The following IL1RAPL1 variants were observed in gnomAD, a reference collection of about 807,000 sequenced individuals.
The protein encoded by IL1RAPL1 is interleukin 1 receptor accessory protein like 1.
Under a neutral mutation model 48.4 loss-of-function variants are expected in IL1RAPL1, and 3 were observed. That is an observed-to-expected ratio of 0.06 (90% CI 0.03 to 0.16). IL1RAPL1 has a LOEUF of 0.16. IL1RAPL1 is among the 10% of genes least tolerant of loss of function. The pLI is 1.00. For missense variants in IL1RAPL1, 349 were observed against 530.6 expected (o/e 0.66, Z 3.36); for synonymous variants, 185 against 187.7 (o/e 0.99, Z 0.12).
chrX:29,755,737 G>A (rs375467157), intron 6 of IL1RAPL1, among the ~76,000 whole-genome samples: 52 of 112,397 alleles, frequency 4.6e-4, no homozygotes, highest in East Asian at 2.5e-3. Flanking sequence ...GACAGCTAAC[G>A]ATGTGCTTAA....
chrX:28,716,823 C>T (rs1298468566), intron 1 of IL1RAPL1, among the ~76,000 whole-genome samples: 13 of 111,019 alleles, frequency 1.2e-4, no homozygotes, highest in Non-Finnish European at 2.1e-4. Flanking sequence ...AAAAAAACAC[C>T]ACCCCATTAA....
chrX:29,369,876 C>T (rs1050299197), intron 3 of IL1RAPL1: 2 of 111,819 alleles, frequency 1.8e-5, no homozygotes, highest in African/African-American at 6.5e-5. Flanking sequence ...CTCCCTACCT[C>T]GGACTCCTTG....
intron 6 of IL1RAPL1, among the ~76,000 whole-genome samples, chrX:29,865,671 C>T (rs1332411890): frequency 1.2e-5 from 1 of 85,317 alleles, no homozygotes; most frequent in African/African-American, 4.7e-5. Context: ...GAGTCTTCCT[C>T]TGTCAAATAG....
chrX:29,043,909 ACTCAT>A (rs1163115828), intron 2 of IL1RAPL1, among the ~76,000 whole-genome samples: 1 of 111,476 alleles, frequency 9.0e-6, no homozygotes, highest in Non-Finnish European at 1.9e-5. Context: ...TCAAGCTGAT[ACTCAT>A]CTCAGGGGAG....
intron 6 of IL1RAPL1, among the ~76,000 whole-genome samples, chrX:29,913,319 A>T (rs1396511390): frequency 6.4e-5 from 7 of 109,878 alleles, no homozygotes; most frequent in African/African-American, 2.3e-4. Flanking sequence ...GCTCAAATTG[A>T]CTTTCTGTTC....
At chrX:29,615,451 G>C (rs751608813) in intron 5 of IL1RAPL1, among the ~76,000 whole-genome samples, 1 of 110,937 alleles carries the variant, frequency 9.0e-6, no homozygotes, top group South Asian at 3.8e-4. Flanking sequence ...GGAGAAAAAA[G>C]TTCTCTGCTA....
At chrX:28,657,188 A>G (rs1227383115) in intron 1 of IL1RAPL1, among the ~76,000 whole-genome samples, 1 of 111,928 alleles carries the variant, frequency 8.9e-6, no homozygotes, top group Non-Finnish European at 1.9e-5. Flanking sequence ...TACATTGATA[A>G]TATGGGGTGT....
chrX:28,845,270 A>G (rs955493025), intron 2 of IL1RAPL1, among the ~76,000 whole-genome samples: 1 of 111,660 alleles, frequency 9.0e-6, no homozygotes, highest in Non-Finnish European at 1.9e-5. Flanking sequence ...ATAGTCCAAG[A>G]TAAACAAGCC....
intron 3 of IL1RAPL1, among the ~76,000 whole-genome samples, chrX:29,344,741 G>A (rs889259521): frequency 3.6e-5 from 4 of 111,954 alleles, no homozygotes; most frequent in African/African-American, 1.3e-4. Context: ...TGGTTCAAGC[G>A]ATTCTCCTGT....
chrX:29,904,194 G>A (rs999799662), intron 6 of IL1RAPL1, among the ~76,000 whole-genome samples: 2 of 111,217 alleles, frequency 1.8e-5, no homozygotes, highest in African/African-American at 3.3e-5. Flanking sequence ...AAGAGGGTAC[G>A]GAAGAGCTGT....
intron 5 of IL1RAPL1, among the ~76,000 whole-genome samples, chrX:29,434,123 C>A (rs1301622940): frequency 9.2e-6 from 1 of 109,134 alleles, no homozygotes; most frequent in Non-Finnish European, 1.9e-5. Flanking sequence ...TAAATAATTT[C>A]CAGTTTTTAT....
intron 5 of IL1RAPL1, among the ~76,000 whole-genome samples, chrX:29,431,532 G>A (rs533281586): frequency 2.7e-5 from 3 of 111,533 alleles, no homozygotes; most frequent in South Asian, 3.7e-4. Context: ...TCGATTATCC[G>A]CTTGTAATCA....
At chrX:28,798,257 G>T (rs1470943950) in intron 2 of IL1RAPL1, among the ~76,000 whole-genome samples, 1 of 111,860 alleles carries the variant, frequency 8.9e-6, no homozygotes, top group Admixed American at 9.5e-5. Flanking sequence ...TCCACTGGTG[G>T]TCAACTATAG....
intron 3 of IL1RAPL1, among the ~76,000 whole-genome samples, chrX:29,371,395 G>A (rs185371187): frequency 7.9e-4 from 88 of 111,288 alleles, no homozygotes; most frequent in African/African-American, 2.2e-3. Flanking sequence ...GCCTCCCAGA[G>A]TGCTGGGATT....
At chrX:29,613,172 C>T (rs1037758990) in intron 5 of IL1RAPL1, among the ~76,000 whole-genome samples, 7 of 112,221 alleles carry the variant, frequency 6.2e-5, no homozygotes, top group Admixed American at 1.9e-4. Flanking sequence ...TTAAAAATCA[C>T]GTACTAAGAA....
At position 29,192,332 on chromosome X, in the gene IL1RAPL1, A is replaced by G. The variant is rs145817885; in HGVS notation, c.83-90606A>G. Among the ~76,000 whole-genome samples the G allele has an allele frequency of 6.4e-3, 718 of 112,304 alleles. 5 individuals carry two copies. Among genetic ancestry groups the G allele is most frequent in the African/African-American group, 0.022 (675 of 30,975 alleles). On this transcript the variant is annotated intron_variant, in intron 2 of 10. Transcript: ENST00000378993. ...ATTTCTCTATTATCTTTACAAAAGA[A>G]CATATACTTACTGAAAACAAGGTAT...
At chrX:29,033,597 A>G (rs962084098) in intron 2 of IL1RAPL1, among the ~76,000 whole-genome samples, 2 of 111,350 alleles carry the variant, frequency 1.8e-5, no homozygotes, top group African/African-American at 6.5e-5. Flanking sequence ...AAACCACTCA[A>G]GACTTTTAAG....
At chrX:29,791,771 C>T (rs1437584518) in intron 6 of IL1RAPL1, among the ~76,000 whole-genome samples, 2 of 99,383 alleles carry the variant, frequency 2.0e-5, no homozygotes, top group African/African-American at 7.4e-5. Flanking sequence ...CGCTCTGTCT[C>T]CCAGGCTGGA....
chrX:29,612,610 C>T (rs1375850596), intron 5 of IL1RAPL1, among the ~76,000 whole-genome samples: 1 of 111,463 alleles, frequency 9.0e-6, no homozygotes, highest in East Asian at 2.8e-4. Context: ...GACTTTATCA[C>T]TCCTCCTCCC....
Sources: allele counts gnomAD v4.1 joint callset (sites outside exome capture counted in the v4.1 genomes callset), GRCh38; gene constraint gnomAD v4.1.1; transcripts MANE v1.5; gene names NCBI Gene and HGNC (gene_info 2026-07-23, HGNC 2026-07-21).